Variants in AGMO observed in about 807,000 individuals in gnomAD.
AGMO encodes the protein alkylglycerol monooxygenase, also known as glyceryl-ether monooxygenase.
Under a neutral mutation model 60.2 loss-of-function variants are expected in AGMO, and 75 were observed. That is an observed-to-expected ratio of 1.25 (90% CI 1.03 to 1.51). The LOEUF (loss-of-function observed/expected upper bound fraction) is 1.51, where lower values mean the gene tolerates loss of function less well. Ranked by LOEUF, AGMO falls within the 40% of genes most tolerant of loss-of-function variation. The pLI is 0.00. For synonymous variants in AGMO, 261 were observed against 177.1 expected (o/e 1.47, Z -3.76); for missense variants, 763 against 525.5 (o/e 1.45, Z -4.42).
chr7:15,468,999 T>A (rs142816484), intron 3 of AGMO, among the ~76,000 whole-genome samples: 1 of 152,164 alleles, frequency 6.6e-6, no homozygotes, highest in African/African-American at 2.4e-5. Flanking sequence ...TTCTGCTTTC[T>A]TTTTCTTCCC....
intron 12 of AGMO, among the ~76,000 whole-genome samples, chr7:15,214,117 G>C (rs1458084188): frequency 1.3e-5 from 2 of 151,940 alleles, no homozygotes; most frequent in Non-Finnish European, 2.9e-5. Context: ...GAGAGACAGA[G>C]AGGAAGAAAT....
intron 10 of AGMO, among the ~76,000 whole-genome samples, chr7:15,376,589 G>C (rs1291302143): frequency 1.3e-5 from 2 of 151,998 alleles, no homozygotes; most frequent in Non-Finnish European, 2.9e-5. Flanking sequence ...TGTATCTGCA[G>C]TAACTTTATT....
intron 12 of AGMO, among the ~76,000 whole-genome samples, chr7:15,253,581 G>A (rs1783009279): frequency 6.6e-6 from 1 of 152,116 alleles, no homozygotes; most frequent in Admixed American, 6.5e-5. Flanking sequence ...GACACATAAT[G>A]ATTATACATA....
intron 12 of AGMO, among the ~76,000 whole-genome samples, chr7:15,317,938 T>TAC (rs746248693): frequency 1.4e-5 from 2 of 145,046 alleles, no homozygotes; most frequent in African/African-American, 2.6e-5. Context: ...TATATATATA[T>TAC]ATACACACAC....
intron 12 of AGMO, among the ~76,000 whole-genome samples, chr7:15,218,327 A>ATGTGTG (rs138890087): frequency 0.21 from 30,559 of 143,842 alleles, 3,264 homozygotes; most frequent in Middle Eastern, 0.3. Context: ...TGGTGTGTGT[A>ATGTGTG]TGTGTGTGTG....
At chr7:15,361,546 A>AAAAAAAAAAAAAAAAGAAAAAG (rs60239009) in intron 12 of AGMO, among the ~76,000 whole-genome samples, 1 of 91,408 alleles carries the variant, frequency 1.1e-5, no homozygotes, top group South Asian at 3.6e-4. Context: ...TCTCAAAAAA[A>AAAAAAAAAAAAAAAAGAAAAAG]AAAAAAAAGG....
At chr7:15,471,426 T>C (rs939307413) in intron 3 of AGMO, among the ~76,000 whole-genome samples, 1 of 151,912 alleles carries the variant, frequency 6.6e-6, no homozygotes, top group Non-Finnish European at 1.5e-5. Flanking sequence ...TCTATAACTA[T>C]AAAAATGAGA....
At chr7:15,418,442 T>G (rs1780836204) in intron 5 of AGMO, 116 bp downstream of exon 5, 1 of 655,094 alleles carries the variant, frequency 1.5e-6, no homozygotes, top group South Asian at 1.9e-5. Context: ...ATGTTTCTCC[T>G]TAGAAAAGGC....
At chr7:15,426,777 A>G (rs775272161) in intron 4 of AGMO, among the ~76,000 whole-genome samples, 3 of 152,112 alleles carry the variant, frequency 2.0e-5, no homozygotes, top group Non-Finnish European at 4.4e-5. Context: ...GAAGGATAGA[A>G]CAATCAGAGG....
chr7:15,440,460 A>T (rs754520849), intron 3 of AGMO, among the ~76,000 whole-genome samples: 2 of 152,164 alleles, frequency 1.3e-5, no homozygotes, highest in African/African-American at 2.4e-5. Context: ...CCACAGTGTA[A>T]TTTGTATACA....
chr7:15,131,302 A>T, the AGMO span, among the ~76,000 whole-genome samples: 1 of 152,150 alleles, frequency 6.6e-6, no homozygotes, highest in African/African-American at 2.4e-5. Flanking sequence ...ATAACTTAAA[A>T]TATAACAGGA....
chr7:15,156,157 G>A, the AGMO span, among the ~76,000 whole-genome samples: 1 of 152,212 alleles, frequency 6.6e-6, no homozygotes, highest in Non-Finnish European at 1.5e-5. Flanking sequence ...CACCAGCAAG[G>A]TGATGGCGGG....
At chr7:15,557,608 T>A (rs1785180800) in intron 2 of AGMO, among the ~76,000 whole-genome samples, 1 of 149,628 alleles carries the variant, frequency 6.7e-6, no homozygotes. Flanking sequence ...TTTTTTTTAA[T>A]AGCAAAAAAT....
At chr7:15,496,834 T>C (rs1237859506) in intron 3 of AGMO, among the ~76,000 whole-genome samples, 1 of 152,172 alleles carries the variant, frequency 6.6e-6, no homozygotes, top group Admixed American at 6.5e-5. Context: ...TGAATATTCA[T>C]TTGTTCCCTG....
intron 12 of AGMO, among the ~76,000 whole-genome samples, chr7:15,203,770 C>A (rs1226175111): frequency 1.3e-5 from 2 of 152,104 alleles, no homozygotes; most frequent in Non-Finnish European, 2.9e-5. Context: ...AATCACAAAA[C>A]TACTAAATAT....
intron 12 of AGMO, among the ~76,000 whole-genome samples, chr7:15,356,953 C>CAAAA (rs917201250): frequency 8.6e-4 from 59 of 68,902 alleles, no homozygotes; most frequent in African/African-American, 3.2e-3. Flanking sequence ...ACTAAAATTA[C>CAAAA]AAAAAAAAAA....
chr7:15,210,698 T>A (rs534906084), intron 12 of AGMO, among the ~76,000 whole-genome samples: 1 of 152,124 alleles, frequency 6.6e-6, no homozygotes, highest in Non-Finnish European at 1.5e-5. Context: ...TTAAGATTCT[T>A]ATTATTTTTA....
chr7:15,521,082 A>G (rs1783970784), intron 3 of AGMO, among the ~76,000 whole-genome samples: 1 of 152,204 alleles, frequency 6.6e-6, no homozygotes. Flanking sequence ...ATGCAAATAA[A>G]TTAGAAAATC....
chr7:15,301,796 T>A (rs1780443265), intron 12 of AGMO, among the ~76,000 whole-genome samples: 1 of 152,166 alleles, frequency 6.6e-6, no homozygotes, highest in South Asian at 2.1e-4. Context: ...CACTGTTGTA[T>A]AATATAATAT....
Sources: gnomAD v4.1 joint callset for allele counts (sites outside exome capture counted in the v4.1 genomes callset) on GRCh38, gnomAD v4.1.1 for gene constraint, MANE v1.5 for transcripts, NCBI Gene and HGNC (gene_info 2026-07-23, HGNC 2026-07-21) for gene names.